FGFR2: variants seen among roughly 807,000 people sequenced by gnomAD.
The protein encoded by FGFR2 is fibroblast growth factor receptor 2.
A neutral mutation model predicts 95.9 loss-of-function variants in FGFR2; 19 were observed. The observed-to-expected ratio is 0.20, with a 90% CI of 0.14 to 0.29. The LOEUF is 0.29. Among genes scored for constraint, FGFR2 ranks in the 10% least tolerant of loss-of-function variants. The probability of loss-of-function intolerance (pLI) is 1.00; values close to 1 mark genes in which losing one functional copy is unlikely to be tolerated. For synonymous variants in FGFR2, 392 were observed against 393.3 expected (o/e 1.00, Z 0.04); for missense variants, 707 against 1,056.9 (o/e 0.67, Z 4.59).
At chr10:121,530,096 C>T (rs1290503157) in intron 6 of FGFR2, among the ~76,000 whole-genome samples, 2 of 152,136 alleles carry the variant, frequency 1.3e-5, no homozygotes, top group Non-Finnish European at 2.9e-5. Context: ...TCATGAAAGA[C>T]GCACAGTGGT....
At chr10:121,514,832 G>A (rs77568307) in intron 9 of FGFR2, among the ~76,000 whole-genome samples, 3 of 152,152 alleles carry the variant, frequency 2.0e-5, no homozygotes, top group Non-Finnish European at 2.9e-5. Flanking sequence ...AACACACACA[G>A]GGGGATTTGC....
chr10:121,567,991 G>A (rs772947005), intron 2 of FGFR2, among the ~76,000 whole-genome samples: 1 of 152,224 alleles, frequency 6.6e-6, no homozygotes, highest in African/African-American at 2.4e-5. Context: ...AAGATGTTGG[G>A]AACTTAGTTT....
chr10:121,544,878 C>T (rs184547171), intron 5 of FGFR2, among the ~76,000 whole-genome samples: 26 of 152,348 alleles, frequency 1.7e-4, no homozygotes, highest in Admixed American at 5.2e-4. Context: ...CACAGTGTCT[C>T]AAGCCTGTAA....
At chr10:121,565,307 G>T in intron 3 of FGFR2, 131 bp downstream of exon 3, 1 of 1,207,072 alleles carries the variant, frequency 8.3e-7, no homozygotes. Flanking sequence ...TCCCAAAGAA[G>T]AATTTCAAAA....
At chr10:121,593,316 G>C (rs1257980785) in intron 2 of FGFR2, among the ~76,000 whole-genome samples, 1 of 152,164 alleles carries the variant, frequency 6.6e-6, no homozygotes, top group Non-Finnish European at 1.5e-5. Flanking sequence ...TTCTTTTAGT[G>C]GTTCATCTTG....
At chr10:121,486,615 T>C (rs1845441462) in intron 15 of FGFR2, among the ~76,000 whole-genome samples, 1 of 152,188 alleles carries the variant, frequency 6.6e-6, no homozygotes, top group Non-Finnish European at 1.5e-5. Flanking sequence ...CTAATTTTTG[T>C]AGTTTTAGTA....
At chr10:121,549,336 T>C (rs1855030721) in intron 5 of FGFR2, among the ~76,000 whole-genome samples, 1 of 152,210 alleles carries the variant, frequency 6.6e-6, no homozygotes, top group Non-Finnish European at 1.5e-5. Context: ...GCTAAAGTGA[T>C]GCTGGTGTGT....
At chr10:121,563,207 C>G (rs1207113509) in intron 4 of FGFR2, among the ~76,000 whole-genome samples, 1 of 152,196 alleles carries the variant, frequency 6.6e-6, no homozygotes, top group Non-Finnish European at 1.5e-5. Flanking sequence ...AACCCCATCT[C>G]TACTAAAAAT....
Position 121,564,632 on chromosome 10 carries a change from T to C in FGFR2, c.377-53A>G, listed in dbSNP as rs915322192. On this transcript the variant is annotated intron_variant, in intron 3 of 17. Transcript: ENST00000358487. Reference sequence around the variant, plus strand: ...ATGTGTTTTTTGCAAAGCAAAAAGGTTGCAATTATCTACAACTGAGACCTT... The same window carrying C: ...ATGTGTTTTTTGCAAAGCAAAAAGGCTGCAATTATCTACAACTGAGACCTT... 10 of 1,552,678 alleles carry C rather than the reference T, an allele frequency of 6.4e-6. No individual in the cohort carries two copies. The Admixed American group carries it at 1.0e-4, about 16-fold the overall frequency.
intron 9 of FGFR2, among the ~76,000 whole-genome samples, chr10:121,512,975 TTC>T (rs1241275989): frequency 5.3e-5 from 8 of 152,148 alleles, no homozygotes; most frequent in Non-Finnish European, 1.0e-4. Flanking sequence ...GTTCAAGTGA[TTC>T]TCCTGCCTCA....
intron 4 of FGFR2, among the ~76,000 whole-genome samples, chr10:121,562,288 T>C (rs564910214): frequency 6.6e-6 from 1 of 152,042 alleles, no homozygotes; most frequent in South Asian, 2.1e-4. Flanking sequence ...GAGTTTGTTT[T>C]TTTTTTTTTT....
At chr10:121,546,185 T>TTAAAAAAAAAAAA (rs577456739) in intron 5 of FGFR2, among the ~76,000 whole-genome samples, 7 of 135,376 alleles carry the variant, frequency 5.2e-5, no homozygotes, top group African/African-American at 2.1e-4. Flanking sequence ...ACCTCTTTAT[T>TTAAAAAAAAAAAA]AAAAAAAAAA....
At chr10:121,574,396 G>C (rs1363058540) in intron 2 of FGFR2, among the ~76,000 whole-genome samples, 1 of 152,088 alleles carries the variant, frequency 6.6e-6, no homozygotes, top group East Asian at 1.9e-4. Context: ...GGGCATGGTG[G>C]TGTGTGCCTG....
At position 121,517,241 on chromosome 10, in the gene FGFR2, A is replaced by G. The variant is rs184405286; in HGVS notation, c.1084+78T>C. On this transcript the variant is annotated intron_variant, in intron 8 of 17. Coordinates refer to ENST00000358487, the MANE Select transcript of FGFR2 (RefSeq NM_000141.5). The surrounding 1 kb of genome is among the most constrained non-coding windows in gnomAD (Gnocchi z 4.7). ...GCAAGGATAAAAGGGGCCATTTCTG[A>G]TAACAGAAGCTGTGTTAATTTTATA... The G allele has an allele frequency of 4.5e-5, 66 of 1,480,748 alleles. 1 individual carries two copies. In the East Asian group the frequency reaches 1.3e-3, roughly 30 times the overall value. 91.7% of individuals were successfully genotyped at this position (1,480,748 alleles called of 1,614,324 possible). A position where few individuals can be genotyped will look rare whatever the true frequency, so the allele number is the denominator to read the frequency against.
At position 121,509,845 on chromosome 10, in the gene FGFR2, A is replaced by G. The variant is rs183503738; in HGVS notation, c.1287+5272T>C. 9.3e-4 allele frequency among the ~76,000 whole-genome samples: 142 copies of G among 152,056 alleles called. 4 individuals carry two copies. The highest frequency in any genetic ancestry group is 9.0e-3 in the Admixed American group (138 of 15,266). On this transcript the variant is annotated intron_variant, in intron 9 of 17. Transcript: ENST00000358487. The stretch of plus-strand genomic sequence containing the variant: ...ATCTAGAGGGGATTTCTCAGAGAAC[A>G]GAGCAAGCAGAAGCAAAGATGTTCC...
chr10:121,569,117 T>C (rs990508811), intron 2 of FGFR2, among the ~76,000 whole-genome samples: 3 of 152,322 alleles, frequency 2.0e-5, no homozygotes, highest in South Asian at 2.1e-4. Context: ...CTATTACTGT[T>C]ACTCTTCAAG....
chr10:121,499,483 G>A (rs1342992120), intron 11 of FGFR2, among the ~76,000 whole-genome samples: 1 of 152,244 alleles, frequency 6.6e-6, no homozygotes, highest in Non-Finnish European at 1.5e-5. Flanking sequence ...GGGCCATGAG[G>A]AGGGAGGGAG....
At chr10:121,559,111 GAAAA>G (rs904279035) in intron 4 of FGFR2, among the ~76,000 whole-genome samples, 2 of 55,232 alleles carry the variant, frequency 3.6e-5, no homozygotes, top group Non-Finnish European at 8.0e-5. Flanking sequence ...TCCAAAAGGA[GAAAA>G]AAAAAAAAAA....
intron 2 of FGFR2, among the ~76,000 whole-genome samples, chr10:121,567,788 G>T (rs1180202400): frequency 6.6e-6 from 1 of 152,218 alleles, no homozygotes; most frequent in Non-Finnish European, 1.5e-5. Context: ...CTTATTGTCT[G>T]GCGCTGCTTT....
Sources: allele counts gnomAD v4.1 joint callset (sites outside exome capture counted in the v4.1 genomes callset), GRCh38; gene constraint gnomAD v4.1.1; non-coding constraint Gnocchi (gnomAD v3.1); transcripts MANE v1.5; gene names NCBI Gene and HGNC (gene_info 2026-07-23, HGNC 2026-07-21).